Variants in ZNF850 observed in about 807,000 individuals in gnomAD.
ZNF850 encodes zinc finger protein 850.
In ZNF850, 2 loss-of-function variants were observed where a neutral mutation model predicts 11.9. That is an observed-to-expected ratio of 0.17 (90% CI 0.07 to 0.53). ZNF850 has a LOEUF of 0.53. ZNF850 is among the 20% of genes least tolerant of loss of function. The probability of loss-of-function intolerance (pLI) is 0.94; values close to 1 mark genes in which losing one functional copy is unlikely to be tolerated. For missense variants in ZNF850, 1,014 were observed against 1,316.4 expected, an observed-to-expected ratio of 0.77 and a Z score of 3.55; for synonymous variants, 381 against 443.0, an observed-to-expected ratio of 0.86 and a Z score of 1.76.
At chr19:36,753,422 CAAAAA>C (rs58851544) in intron 4 of ZNF850, among the ~76,000 whole-genome samples, 2 of 46,650 alleles carry the variant, frequency 4.3e-5, no homozygotes, top group African/African-American at 7.0e-5. Flanking sequence ...GACACTGTCT[CAAAAA>C]AAAAAAAAAA....
intron 1 of ZNF850, among the ~76,000 whole-genome samples, chr19:36,764,939 G>A (rs1313150883): frequency 6.6e-6 from 1 of 151,854 alleles, no homozygotes; most frequent in African/African-American, 2.4e-5. Flanking sequence ...CACCCACCTT[G>A]GCTCCCAAAG....
At position 36,750,534 on chromosome 19, in the gene ZNF850, A is replaced by G; in HGVS notation, c.506T>C (p.Leu169Pro). ...LHHRIHPGEK[L>P]YKSTECMAFK... ...AGCCATACATTCTGTGGATTTATAC[A>G]GTTTCTCTCCAGGATGAATCCGATG... The change falls in exon 5 of 5, where the codon CTG becomes CCG. Residue 169 changes from leucine to proline, a missense_variant. Physicochemically the swap from Leu to Pro is moderately conservative, Grantham distance 98. Transcript: ENST00000591344. The G allele has an allele frequency of 6.5e-7, 1 of 1,536,198 alleles. No homozygotes were observed. The highest frequency in any genetic ancestry group is 8.7e-7 in the Non-Finnish European group (1 of 1,146,924).
intron 4 of ZNF850, among the ~76,000 whole-genome samples, chr19:36,760,917 G>A (rs543146879): frequency 6.6e-6 from 1 of 152,004 alleles, no homozygotes; most frequent in East Asian, 1.9e-4. Flanking sequence ...CTGCATCAAA[G>A]GAAAACTAGA....
chr19:36,770,172 T>C (rs958932612), intron 1 of ZNF850, among the ~76,000 whole-genome samples: 1 of 152,180 alleles, frequency 6.6e-6, no homozygotes, highest in Non-Finnish European at 1.5e-5. Flanking sequence ...AACCACCATG[T>C]GTTCAGCTCT....
At chr19:36,771,290 G>A (rs1242270373) in intron 1 of ZNF850, among the ~76,000 whole-genome samples, 1 of 152,182 alleles carries the variant, frequency 6.6e-6, no homozygotes, top group Non-Finnish European at 1.5e-5. Flanking sequence ...GGGAAGGGGA[G>A]GAACGTGGGC....
intron 1 of ZNF850, among the ~76,000 whole-genome samples, chr19:36,772,029 C>T (rs2040587968): frequency 6.6e-6 from 1 of 152,116 alleles, no homozygotes; most frequent in Admixed American, 6.6e-5. Context: ...CTCGCCTTCC[C>T]TTCAAAATCT....
intron 1 of ZNF850, among the ~76,000 whole-genome samples, chr19:36,765,849 G>T (rs2040546309): frequency 6.6e-6 from 1 of 151,870 alleles, no homozygotes; most frequent in Non-Finnish European, 1.5e-5. Flanking sequence ...CTCCCAAAGT[G>T]CTGGGATTAC....
intron 4 of ZNF850, among the ~76,000 whole-genome samples, chr19:36,760,171 T>A (rs7258563): frequency 0.25 from 37,320 of 152,122 alleles, 4,663 homozygotes; most frequent in South Asian, 0.36. Context: ...TTAGGCTGGG[T>A]GTGGTGGCTC....
At chr19:36,770,819 A>C (rs930740381) in intron 1 of ZNF850, among the ~76,000 whole-genome samples, 3 of 151,816 alleles carry the variant, frequency 2.0e-5, no homozygotes, top group African/African-American at 7.3e-5. Flanking sequence ...TATTTGAGAA[A>C]ATCACAGAAC....
At chr19:36,755,236 C>T (rs991894477) in intron 4 of ZNF850, among the ~76,000 whole-genome samples, 4 of 151,998 alleles carry the variant, frequency 2.6e-5, no homozygotes, top group African/African-American at 9.7e-5. Flanking sequence ...AATTCTTTTT[C>T]GGTTTTTTTG....
At chr19:36,766,069 T>C (rs1311492893) in intron 1 of ZNF850, among the ~76,000 whole-genome samples, 1 of 151,400 alleles carries the variant, frequency 6.6e-6, no homozygotes, top group African/African-American at 2.4e-5. Flanking sequence ...TTTTGGTATT[T>C]TTGGTAGAGA....
intron 4 of ZNF850, among the ~76,000 whole-genome samples, chr19:36,757,638 C>G (rs1343430503): frequency 6.6e-6 from 1 of 150,934 alleles, no homozygotes; most frequent in Non-Finnish European, 1.5e-5. Context: ...TCATGAGTAG[C>G]TGGGATTACA....
chr19:36,769,814 A>G (rs1198798423), intron 1 of ZNF850, among the ~76,000 whole-genome samples: 1 of 152,160 alleles, frequency 6.6e-6, no homozygotes, highest in Non-Finnish European at 1.5e-5. Flanking sequence ...GTTCTGCAGC[A>G]GACACCAGCT....
At chr19:36,772,178 C>G (rs1246500830) in intron 1 of ZNF850, among the ~76,000 whole-genome samples, 1 of 152,170 alleles carries the variant, frequency 6.6e-6, no homozygotes, top group Non-Finnish European at 1.5e-5. Context: ...TCAGGACAAC[C>G]CCCCTGTGGA....
intron 1 of ZNF850, among the ~76,000 whole-genome samples, chr19:36,765,162 G>A (rs1172341949): frequency 6.6e-6 from 1 of 152,170 alleles, no homozygotes; most frequent in Admixed American, 6.5e-5. Context: ...AGCTGTCTCT[G>A]ATTCCCAACA....
intron 4 of ZNF850, among the ~76,000 whole-genome samples, chr19:36,753,422 C>CAAAAAAAAAAAAA (rs58851544): frequency 4.3e-5 from 2 of 46,648 alleles, no homozygotes; most frequent in African/African-American, 7.0e-5. Context: ...GACACTGTCT[C>CAAAAAAAAAAAAA]AAAAAAAAAA....
At chr19:36,759,853 C>A (rs2040507961) in intron 4 of ZNF850, among the ~76,000 whole-genome samples, 1 of 152,134 alleles carries the variant, frequency 6.6e-6, no homozygotes, top group South Asian at 2.1e-4. Flanking sequence ...AATGCCTTAT[C>A]TTTTCTACTT....
intron 1 of ZNF850, among the ~76,000 whole-genome samples, chr19:36,763,758 C>T (rs2040533187): frequency 6.6e-6 from 1 of 151,744 alleles, no homozygotes; most frequent in Non-Finnish European, 1.5e-5. Flanking sequence ...GGCAAAACCC[C>T]ATCTCTACAA....
At chr19:36,771,973 G>T (rs901559916) in intron 1 of ZNF850, among the ~76,000 whole-genome samples, 3 of 152,178 alleles carry the variant, frequency 2.0e-5, no homozygotes, top group South Asian at 2.1e-4. Flanking sequence ...CTGGCATTTA[G>T]TTGGTCCCCG....
Sources: gnomAD v4.1 joint callset for allele counts (sites outside exome capture counted in the v4.1 genomes callset) on GRCh38, gnomAD v4.1.1 for gene constraint, MANE v1.5 for transcripts, NCBI Gene and HGNC (gene_info 2026-07-23, HGNC 2026-07-21) for gene names.